Variants in SGCZ observed in about 807,000 individuals in gnomAD.
The protein encoded by SGCZ is sarcoglycan zeta, also known as zeta-sarcoglycan.
Under a neutral mutation model 41.3 loss-of-function variants are expected in SGCZ, and 40 were observed. The observed-to-expected ratio is 0.97, with a 90% CI of 0.75 to 1.26. The LOEUF (loss-of-function observed/expected upper bound fraction) is 1.26. Among genes scored for constraint, SGCZ ranks in the 50% most tolerant of loss-of-function variants. The probability of loss-of-function intolerance (pLI) is 0.00; values close to 1 mark genes in which losing one functional copy is unlikely to be tolerated. For missense variants in SGCZ, 552 were observed against 369.8 expected, an observed-to-expected ratio of 1.49 and a Z score of -4.04; for synonymous variants, 206 against 137.5, an observed-to-expected ratio of 1.50 and a Z score of -3.49.
At chr8:14,399,631 C>T (rs1215825491) in intron 2 of SGCZ, among the ~76,000 whole-genome samples, 2 of 151,866 alleles carry the variant, frequency 1.3e-5, no homozygotes, top group Non-Finnish European at 2.9e-5. Flanking sequence ...ATTGTGTGCC[C>T]TTTATTCAAC....
At chr8:14,240,577 C>T (rs1475905292) in intron 3 of SGCZ, among the ~76,000 whole-genome samples, 1 of 151,704 alleles carries the variant, frequency 6.6e-6, no homozygotes, top group African/African-American at 2.4e-5. Flanking sequence ...GAACCATAAA[C>T]GTGTAGCTCT....
At chr8:14,622,897 G>C (rs1201466903) in intron 1 of SGCZ, among the ~76,000 whole-genome samples, 1 of 152,166 alleles carries the variant, frequency 6.6e-6, no homozygotes, top group East Asian at 1.9e-4. Flanking sequence ...GTGGAGAACT[G>C]AATAAAAGCA....
At chr8:15,075,356 AT>A (rs1805492709) in intron 1 of SGCZ, among the ~76,000 whole-genome samples, 1 of 152,170 alleles carries the variant, frequency 6.6e-6, no homozygotes, top group Non-Finnish European at 1.5e-5. Context: ...AATGGCATTC[AT>A]TTTTAAAATG....
intron 1 of SGCZ, among the ~76,000 whole-genome samples, chr8:14,761,793 G>A (rs755125222): frequency 6.6e-6 from 1 of 152,036 alleles, no homozygotes; most frequent in Non-Finnish European, 1.5e-5. Context: ...CAAAACTGCT[G>A]GGATTACAGG....
At chr8:14,915,092 TC>T (rs1244119721) in intron 1 of SGCZ, among the ~76,000 whole-genome samples, 5 of 152,232 alleles carry the variant, frequency 3.3e-5, no homozygotes, top group Admixed American at 6.5e-5. Flanking sequence ...TACTGCTTTT[TC>T]TACCCTCTTT....
At chr8:14,279,726 C>G (rs919795844) in intron 3 of SGCZ, among the ~76,000 whole-genome samples, 1 of 151,920 alleles carries the variant, frequency 6.6e-6, no homozygotes, top group Non-Finnish European at 1.5e-5. Context: ...AAGCAAATTC[C>G]AGCCTCTAAA....
chr8:14,615,085 A>G (rs73194133), intron 1 of SGCZ, among the ~76,000 whole-genome samples: 1 of 152,268 alleles, frequency 6.6e-6, no homozygotes, highest in Non-Finnish European at 1.5e-5. Context: ...CAATGTAAAA[A>G]ACATTTATAG....
chr8:14,968,547 C>A (rs1801191863), intron 1 of SGCZ, among the ~76,000 whole-genome samples: 1 of 151,858 alleles, frequency 6.6e-6, no homozygotes, highest in Non-Finnish European at 1.5e-5. Context: ...ATCTAAAGGG[C>A]AAGATAGATC....
intron 1 of SGCZ, among the ~76,000 whole-genome samples, chr8:14,676,356 G>GTGTGTGTGTGTGTGTGTGTGTGTT (rs1808278641): frequency 6.6e-6 from 1 of 151,684 alleles, no homozygotes; most frequent in African/African-American, 2.4e-5. Flanking sequence ...ATGTGTGTGT[G>GTGTGTGTGTGTGTGTGTGTGTGTT]TGTGTGTGTG....
chr8:14,944,119 C>T (rs981578758), intron 1 of SGCZ, among the ~76,000 whole-genome samples: 5 of 152,086 alleles, frequency 3.3e-5, no homozygotes, highest in African/African-American at 1.2e-4. Context: ...CTTAGCCATC[C>T]TCTCCCCGCT....
chr8:14,151,805 A>G (rs1224628214), intron 5 of SGCZ, among the ~76,000 whole-genome samples: 2 of 152,146 alleles, frequency 1.3e-5, no homozygotes, highest in African/African-American at 4.8e-5. Context: ...ATACACACCA[A>G]TTTACCTAAC....
intron 4 of SGCZ, among the ~76,000 whole-genome samples, chr8:14,222,146 TTTG>T (rs1378499144): frequency 3.9e-5 from 6 of 152,166 alleles, no homozygotes; most frequent in East Asian, 3.9e-4. Context: ...ACTTCAGGTT[TTTG>T]TTGTTGTTGT....
Position 14,527,834 on chromosome 8 carries a change from C to G in SGCZ, c.234+26898G>C, listed in dbSNP as rs371566774. Among the ~76,000 whole-genome samples, 22 of 152,142 alleles carry G rather than the reference C, an allele frequency of 1.4e-4. No individual in the cohort carries two copies. In the East Asian group the frequency reaches 4.3e-3, roughly 30 times the overall value. ...ATGTCCATAACAATTCTTAGGCTCT[C>G]ATATTGCTGAGGTGATCATTGTTGA... On this transcript the variant is annotated intron_variant, in intron 2 of 7. Coordinates refer to ENST00000382080, the MANE Select transcript of SGCZ (RefSeq NM_139167.4).
chr8:14,372,343 A>T (rs1803944274), intron 2 of SGCZ, among the ~76,000 whole-genome samples: 1 of 152,166 alleles, frequency 6.6e-6, no homozygotes, highest in Non-Finnish European at 1.5e-5. Context: ...ACATCAGAAA[A>T]ATAATTCCAT....
intron 1 of SGCZ, among the ~76,000 whole-genome samples, chr8:14,731,679 C>G (rs1271640903): frequency 6.6e-6 from 1 of 152,148 alleles, no homozygotes; most frequent in Non-Finnish European, 1.5e-5. Context: ...CTCCAGCATT[C>G]CATTTCATTG....
chr8:14,173,251 C>G (rs749011589), intron 4 of SGCZ, among the ~76,000 whole-genome samples: 19 of 151,354 alleles, frequency 1.3e-4, no homozygotes, highest in Non-Finnish European at 2.7e-4. Context: ...TTGACACTAA[C>G]CAGGAGAAAA....
chr8:15,083,517 T>G (rs1309190650), intron 1 of SGCZ, among the ~76,000 whole-genome samples: 1 of 152,142 alleles, frequency 6.6e-6, no homozygotes, highest in Non-Finnish European at 1.5e-5. Context: ...AGTAATAACT[T>G]TTTTGCTATT....
intron 1 of SGCZ, among the ~76,000 whole-genome samples, chr8:14,892,637 G>T (rs892903473): frequency 1.6e-4 from 25 of 151,900 alleles, no homozygotes; most frequent in Non-Finnish European, 2.8e-4. Flanking sequence ...CAATAAATAT[G>T]CAAGAAAAAA....
At position 14,821,124 on chromosome 8, in the gene SGCZ, A is replaced by G. The variant is rs546999720; in HGVS notation, c.40-266198T>C. ...AAACTCAAATAAAATCAGAGATGAA[A>G]AAAGAAATGTTAAAACTGATGTCAC... On this transcript the variant is annotated intron_variant, in intron 1 of 7. Coordinates refer to ENST00000382080, the MANE Select transcript of SGCZ (RefSeq NM_139167.4). Among the ~76,000 whole-genome samples the G allele has an allele frequency of 7.2e-5, 11 of 152,126 alleles. No individual in the cohort carries two copies. In the South Asian group the frequency reaches 1.7e-3, roughly 23 times the overall value.
Sources: gnomAD v4.1 joint callset for allele counts (sites outside exome capture counted in the v4.1 genomes callset) on GRCh38, gnomAD v4.1.1 for gene constraint, MANE v1.5 for transcripts, NCBI Gene and HGNC (gene_info 2026-07-23, HGNC 2026-07-21) for gene names.